TTC28: variants seen among roughly 807,000 people sequenced by gnomAD.
TTC28 encodes tetratricopeptide repeat domain 28.
TTC28 carries 61 observed loss-of-function variants against 198.0 expected under a neutral mutation model. The observed-to-expected ratio is 0.31, with a 90% confidence interval of 0.25 to 0.38. TTC28 has a LOEUF of 0.38. TTC28 is among the 10% of genes least tolerant of loss of function. The pLI, the probability that TTC28 is intolerant of heterozygous loss-of-function variation, is 1.00. For synonymous variants in TTC28, 1,171 were observed against 1,297.8 expected (o/e 0.90, Z 2.10); for missense variants, 2,678 against 3,164.0 (o/e 0.85, Z 3.69).
intron 2 of TTC28, among the ~76,000 whole-genome samples, chr22:28,593,357 C>G (rs2050469829): frequency 6.6e-6 from 1 of 152,184 alleles, no homozygotes; most frequent in African/African-American, 2.4e-5. Flanking sequence ...CCCTAATTCC[C>G]AGACTAAAAC....
chr22:28,569,924 T>A (rs972141356), intron 2 of TTC28, among the ~76,000 whole-genome samples: 13 of 152,158 alleles, frequency 8.5e-5, no homozygotes, highest in African/African-American at 3.1e-4. Context: ...AAAGAAGACA[T>A]ATACGTGACC....
intron 5 of TTC28, among the ~76,000 whole-genome samples, chr22:28,189,483 A>C (rs1383125157): frequency 6.6e-6 from 1 of 152,110 alleles, no homozygotes; most frequent in Non-Finnish European, 1.5e-5. Context: ...ATAGAAAACA[A>C]AGAAAATGGT....
chr22:28,498,714 G>C (rs1288084511), intron 2 of TTC28, among the ~76,000 whole-genome samples: 1 of 152,120 alleles, frequency 6.6e-6, no homozygotes, highest in South Asian at 2.1e-4. Context: ...GGGGCCCAAA[G>C]AGCCCCCAGA....
At position 28,066,749 on chromosome 22, in the gene TTC28, C is replaced by A. The variant is rs114313628; in HGVS notation, c.3932+27331G>T. On this transcript the variant is annotated intron_variant, in intron 12 of 22. Transcript: ENST00000397906. ...TTCTCAAATGCAAACCTGCCTATTCCACACTTCTGGCCCTGGCTACAGGGT... is the reference window on the plus strand; with the variant it reads ...TTCTCAAATGCAAACCTGCCTATTCAACACTTCTGGCCCTGGCTACAGGGT... Among the ~76,000 whole-genome samples the A allele has an allele frequency of 3.7e-3, 568 of 152,242 alleles. 3 individuals are homozygous for A. Among genetic ancestry groups the A allele is most frequent in the African/African-American group, 0.013 (527 of 41,528 alleles).
intron 5 of TTC28, among the ~76,000 whole-genome samples, chr22:28,214,296 C>T (rs574076694): frequency 3.7e-4 from 57 of 152,096 alleles, no homozygotes; most frequent in Admixed American, 4.6e-4. Context: ...CTAATTAAAC[C>T]AAAGAGCTTC....
intron 2 of TTC28, among the ~76,000 whole-genome samples, chr22:28,331,822 G>A (rs1461269922): frequency 6.6e-6 from 1 of 151,972 alleles, no homozygotes; most frequent in Non-Finnish European, 1.5e-5. Context: ...TTTAACCTAG[G>A]AAGCTTTACC....
chr22:28,038,912 T>C (rs553744452), intron 12 of TTC28, among the ~76,000 whole-genome samples: 1 of 152,172 alleles, frequency 6.6e-6, no homozygotes, highest in Admixed American at 6.5e-5. Context: ...AACAGACACA[T>C]GAAAAAATGC....
At chr22:28,531,341 T>C (rs979274908) in intron 2 of TTC28, among the ~76,000 whole-genome samples, 2 of 152,162 alleles carry the variant, frequency 1.3e-5, no homozygotes, top group African/African-American at 4.8e-5. Context: ...AAGGGATCAA[T>C]TCAACAAGAA....
chr22:28,151,624 A>G (rs538661173), intron 6 of TTC28, among the ~76,000 whole-genome samples: 1 of 152,356 alleles, frequency 6.6e-6, no homozygotes, highest in Admixed American at 6.5e-5. Flanking sequence ...GGCACAGCAC[A>G]GGATGCGCAT....
At chr22:28,593,922 A>G (rs2050487589) in intron 2 of TTC28, among the ~76,000 whole-genome samples, 1 of 152,106 alleles carries the variant, frequency 6.6e-6, no homozygotes, top group Non-Finnish European at 1.5e-5. Context: ...GGAATGAGGT[A>G]TTTTGCACTC....
At chr22:28,105,141 G>T in intron 8 of TTC28, 138 bp downstream of exon 8, 1 of 880,698 alleles carries the variant, frequency 1.1e-6, no homozygotes, top group Non-Finnish European at 1.7e-6. Flanking sequence ...GAGTTGAACT[G>T]ACAATGTGGC....
Position 28,130,790 on chromosome 22 carries a change from T to C in TTC28, c.1442-22387A>G, listed in dbSNP as rs548817648. 2.0e-5 allele frequency among the ~76,000 whole-genome samples: 3 copies of C among 152,346 alleles called. No individual in the cohort carries two copies. The East Asian group carries it at 5.8e-4, about 29-fold the overall frequency. ...CCTTTCAGTCCTGTGGGTTCTGTTT[T>C]CTGGGTTTTTTGTTTGTTTTTGTTT... is the stretch of plus-strand genomic sequence containing the variant. On this transcript the variant is annotated intron_variant, in intron 6 of 22. Coordinates refer to ENST00000397906, the MANE Select transcript of TTC28 (RefSeq NM_001145418.2).
chr22:28,397,154 A>T (rs1452676589), intron 2 of TTC28, among the ~76,000 whole-genome samples: 1 of 152,268 alleles, frequency 6.6e-6, no homozygotes, highest in Non-Finnish European at 1.5e-5. Context: ...AAAAAAATCC[A>T]GTCCCTGATC....
At chr22:28,670,234 A>C (rs564727004) in intron 1 of TTC28, among the ~76,000 whole-genome samples, 1 of 152,290 alleles carries the variant, frequency 6.6e-6, no homozygotes, top group African/African-American at 2.4e-5. Context: ...TAAAGAATCC[A>C]GTTCAGTGTC....
intron 5 of TTC28, among the ~76,000 whole-genome samples, chr22:28,186,343 G>T (rs918056863): frequency 2.6e-5 from 4 of 152,148 alleles, no homozygotes; most frequent in Admixed American, 6.5e-5. Flanking sequence ...GATACGGAAT[G>T]AAAAGCTTTG....
chr22:28,360,619 T>C (rs545453620), intron 2 of TTC28, among the ~76,000 whole-genome samples: 33 of 152,286 alleles, frequency 2.2e-4, no homozygotes, highest in Non-Finnish European at 4.1e-4. Flanking sequence ...TTTTCTTTTA[T>C]CACCAGTACA....
In TTC28 at chr22:28,250,460, C is replaced by A. The variant is rs151249705; in HGVS notation, c.933+45738G>T. On this transcript the variant is annotated intron_variant, in intron 5 of 22. Transcript: ENST00000397906. ...GTCCAGTCAGTCATCCTTTGGTATC[C>A]GTAAGAGGTATCTGTGGTATCTGTG... Among the ~76,000 whole-genome samples, 1,331 of 152,142 alleles carry A rather than the reference C, an allele frequency of 8.7e-3. 32 individuals are homozygous for A. The highest frequency in any genetic ancestry group is 0.082 in the East Asian group (425 of 5,178).
chr22:28,571,342 T>C (rs1390626812), intron 2 of TTC28, among the ~76,000 whole-genome samples: 1 of 152,238 alleles, frequency 6.6e-6, no homozygotes, highest in Non-Finnish European at 1.5e-5. Context: ...CTCTCTATTG[T>C]ATTTCCATTA....
intron 2 of TTC28, among the ~76,000 whole-genome samples, chr22:28,453,484 T>C (rs1258317718): frequency 1.3e-5 from 2 of 152,214 alleles, no homozygotes; most frequent in African/African-American, 4.8e-5. Context: ...TCCTCTAAGA[T>C]GTCTAACACA....
Sources: allele counts gnomAD v4.1 joint callset (sites outside exome capture counted in the v4.1 genomes callset), GRCh38; gene constraint gnomAD v4.1.1; transcripts MANE v1.5; gene names NCBI Gene and HGNC (gene_info 2026-07-23, HGNC 2026-07-21).